Variants in OSGEPL1 observed in about 807,000 individuals in gnomAD.
The protein encoded by OSGEPL1 is tRNA N6-adenosine threonylcarbamoyltransferase, mitochondrial.
Under a neutral mutation model 37.2 loss-of-function variants are expected in OSGEPL1, and 26 were observed. That is an observed-to-expected ratio of 0.70 (90% CI 0.51 to 0.97). OSGEPL1 has a LOEUF of 0.97. Ranked by LOEUF, OSGEPL1 falls within the 50% of genes least tolerant of loss-of-function variation. The pLI, the probability that OSGEPL1 is intolerant of heterozygous loss-of-function variation, is 0.00. For synonymous variants in OSGEPL1, 140 were observed against 159.9 expected, an observed-to-expected ratio of 0.88 and a Z score of 0.94; for missense variants, 404 against 487.0, an observed-to-expected ratio of 0.83 and a Z score of 1.60.
chr2:189,759,594 T>C (rs1379528264), intron 2 of OSGEPL1, among the ~76,000 whole-genome samples: 1 of 152,168 alleles, frequency 6.6e-6, no homozygotes, highest in Non-Finnish European at 1.5e-5. Flanking sequence ...AGAGAGGATA[T>C]GGAACTTGCC....
In OSGEPL1 at chr2:189,761,665, A is replaced by G. The variant is rs1281628246; in HGVS notation, c.-20-5T>C. 1 of 1,513,472 alleles carries G rather than the reference A, an allele frequency of 6.6e-7. No homozygotes were observed. Among genetic ancestry groups the G allele is most frequent in the Non-Finnish European group, 8.8e-7 (1 of 1,135,176 alleles). The allele number at this position is 1,513,472 out of a possible 1,614,324, so 93.8% of individuals were successfully genotyped here. Reference sequence around the variant, plus strand: ...TACTTACTCTATAGATAATTCCTGAAAAAGAATTACAGAAACAACTTATTA... The same window carrying G: ...TACTTACTCTATAGATAATTCCTGAGAAAGAATTACAGAAACAACTTATTA... On this transcript the variant is annotated splice_region_variant and splice_polypyrimidine_tract_variant and intron_variant, in intron 1 of 8. Transcript: ENST00000264151.
At chr2:189,747,615 G>T (rs960317088) in intron 8 of OSGEPL1, among the ~76,000 whole-genome samples, 2 of 152,136 alleles carry the variant, frequency 1.3e-5, no homozygotes, top group East Asian at 3.8e-4. Context: ...AGCAATGTCT[G>T]CTTCTCCTAT....
intron 7 of OSGEPL1, among the ~76,000 whole-genome samples, chr2:189,751,630 A>G (rs931223478): frequency 9.3e-5 from 14 of 151,048 alleles, no homozygotes; most frequent in African/African-American, 3.4e-4. Flanking sequence ...TTTTCAGTAG[A>G]GACGGGGTTT....
At chr2:189,757,907 C>T (rs761507193) in intron 2 of OSGEPL1, among the ~76,000 whole-genome samples, 2 of 152,208 alleles carry the variant, frequency 1.3e-5, no homozygotes, top group Non-Finnish European at 2.9e-5. Context: ...ACTTCTTTGT[C>T]TTTGCTGACA....
intron 2 of OSGEPL1, among the ~76,000 whole-genome samples, chr2:189,760,416 C>T (rs1319130026): frequency 2.0e-5 from 3 of 152,070 alleles, no homozygotes. Flanking sequence ...GGCTGCTGGG[C>T]GGGGGCGCCC....
At chr2:189,753,020 A>T (rs779729520) in intron 5 of OSGEPL1, 41 bp from the exon 6 acceptor site, 1 of 1,539,230 alleles carries the variant, frequency 6.5e-7, no homozygotes, top group East Asian at 2.3e-5. Flanking sequence ...TCATATATGG[A>T]TATGAACCAA....
upstream of OSGEPL1, chr2:189,762,918 C>A (rs546888804): frequency 1.0e-6 from 1 of 985,120 alleles, no homozygotes; most frequent in Non-Finnish European, 1.2e-6. Context: ...ACCTGCATTT[C>A]CCCCAGATTT....
intron 2 of OSGEPL1, among the ~76,000 whole-genome samples, chr2:189,759,003 C>T (rs1436689377): frequency 3.9e-5 from 6 of 152,168 alleles, no homozygotes; most frequent in African/African-American, 1.4e-4. Flanking sequence ...TAGTTACTGT[C>T]TGCACCACTT....
chr2:189,752,751 C>A (rs766790448), intron 6 of OSGEPL1, 27 bp from the exon 7 acceptor site: 17 of 1,613,460 alleles, frequency 1.1e-5, no homozygotes, highest in Non-Finnish European at 1.4e-5. Context: ...AAAATAAAAT[C>A]AATAGCTCCA....
intron 2 of OSGEPL1, among the ~76,000 whole-genome samples, chr2:189,760,691 T>A (rs2046909271): frequency 7.1e-6 from 1 of 141,212 alleles, no homozygotes; most frequent in African/African-American, 2.8e-5. Flanking sequence ...CTTGGGAGGC[T>A]GAGACAGGGG....
chr2:189,758,149 G>A (rs564553641), intron 2 of OSGEPL1, among the ~76,000 whole-genome samples: 28 of 152,278 alleles, frequency 1.8e-4, no homozygotes, highest in African/African-American at 6.3e-4. Context: ...TTGGGAGGCC[G>A]AGGTGGGTGG....
chr2:189,754,370 A>C (rs1156939140), intron 3 of OSGEPL1, 25 bp from the exon 4 acceptor site: 3 of 1,565,500 alleles, frequency 1.9e-6, no homozygotes, highest in South Asian at 2.4e-5. Context: ...TATTTTTTAG[A>C]GTCATAAAAT....
Position 189,755,562 on chromosome 2 carries a change from T to TGAAA in OSGEPL1, c.222-6_222-3dup, listed in dbSNP as rs774331405. 6.3e-7 allele frequency: 1 copy of TGAAA among 1,576,334 alleles called. No homozygotes were observed. On this transcript the variant is annotated splice_polypyrimidine_tract_variant and splice_region_variant and intron_variant, in intron 2 of 8. Transcript: ENST00000264151. ...GCTGGAGGAACAATCCCACCTGTTC[T>TGAAA]GAAAGAAAGAAAGACAGCATTTTGT... is the stretch of plus-strand genomic sequence containing the variant.
Position 189,750,610 on chromosome 2 carries a change from T to C in OSGEPL1, c.1213A>G (p.Ile405Val), listed in dbSNP as rs367882308. 1.7e-4 allele frequency: 277 copies of C among 1,592,750 alleles called. No homozygotes were observed. The highest frequency in any genetic ancestry group is 2.2e-4 in the Non-Finnish European group (254 of 1,168,462). ...DISKEVGEAS[I>V]KVPQLKMEI ...TCCATTTTTAATTGTGGTACTTTTA[T>C]GGAAGCTTCTCCAACTTCTTTTGAT... Residue 405 changes from isoleucine to valine, a missense_variant, in exon 8 of 9, where the codon ATA becomes GTA. Ile to Val is a conservative substitution (Grantham distance 29). Coordinates refer to ENST00000264151, the MANE Select transcript of OSGEPL1 (RefSeq NM_022353.3).
Position 189,754,012 on chromosome 2 carries a change from T to C in OSGEPL1, c.867A>G (p.Val289=). The change falls in exon 5 of 9, where the codon GTA becomes GTG. Residue 289 remains valine, a synonymous_variant. Coordinates refer to ENST00000264151, the MANE Select transcript of OSGEPL1 (RefSeq NM_022353.3). ...CAAGATGACATGCCATTGTGTGCTG[T>C]ACTGTGGCAGCAATGTCTGCTGCTG... ...LSSAADIAAT[V]QHTMACHLVK... 1 of 1,613,674 alleles carries C rather than the reference T, an allele frequency of 6.2e-7. No homozygotes were observed. The highest frequency in any genetic ancestry group is 8.5e-7 in the Non-Finnish European group (1 of 1,179,782).
At chr2:189,750,408 A>G (rs1241610876) in intron 8 of OSGEPL1, 142 bp downstream of exon 8, 1 of 453,386 alleles carries the variant, frequency 2.2e-6, no homozygotes, top group Non-Finnish European at 3.9e-6. Flanking sequence ...TAAGACTTTT[A>G]ACACATTATA....
At chr2:189,755,022 T>C in intron 3 of OSGEPL1, 151 bp downstream of exon 3, 2 of 843,476 alleles carry the variant, frequency 2.4e-6, no homozygotes, top group Non-Finnish European at 3.5e-6. Context: ...TGTACTACTC[T>C]TTCTATTTTT....
chr2:189,762,444 C>A (rs2047225539), intron 1 of OSGEPL1: 2 of 340,732 alleles, frequency 5.9e-6, no homozygotes, highest in South Asian at 1.2e-4. Flanking sequence ...AAGGCAGTTG[C>A]GGGCAGTGCA....
At chr2:189,748,554 C>T (rs1475707258) in intron 8 of OSGEPL1, among the ~76,000 whole-genome samples, 1 of 152,182 alleles carries the variant, frequency 6.6e-6, no homozygotes, top group Non-Finnish European at 1.5e-5. Context: ...CCTCTTTAAT[C>T]TTCATATTTA....
Sources: allele counts gnomAD v4.1 joint callset (sites outside exome capture counted in the v4.1 genomes callset), GRCh38; gene constraint gnomAD v4.1.1; transcripts MANE v1.5; gene names NCBI Gene and HGNC (gene_info 2026-07-23, HGNC 2026-07-21).